The following GDPD2 variants were observed in gnomAD, a reference collection of about 807,000 sequenced individuals.
GDPD2 encodes glycerophosphodiester phosphodiesterase domain containing 2.
In GDPD2, 23 loss-of-function variants were observed where a neutral mutation model predicts 49.2. The observed-to-expected ratio is 0.47, with a 90% CI of 0.34 to 0.66. The LOEUF (loss-of-function observed/expected upper bound fraction) is 0.66. Among genes scored for constraint, GDPD2 ranks in the 30% least tolerant of loss-of-function variants. GDPD2 has a pLI of 0.01. For missense variants in GDPD2, 338 were observed against 424.7 expected, an observed-to-expected ratio of 0.80 and a Z score of 1.79; for synonymous variants, 167 against 171.4, an observed-to-expected ratio of 0.97 and a Z score of 0.20.
chrX:70,427,113 C>T, intron 8 of GDPD2, 24 bp from the exon 9 acceptor site: 2 of 1,186,832 alleles, frequency 1.7e-6, no homozygotes, highest in Non-Finnish European at 2.3e-6. Context: ...TCCCTGCTAC[C>T]TCATCACCTA....
Position 70,431,949 on chromosome X carries a change from T to C in GDPD2, c.1308-358T>C, listed in dbSNP as rs143064034. Among the ~76,000 whole-genome samples, 18 of 111,436 alleles carry C rather than the reference T, an allele frequency of 1.6e-4. No homozygotes were observed. The East Asian group carries it at 5.1e-3, about 31-fold the overall frequency. The stretch of plus-strand genomic sequence containing the variant: ...AGGAACATTGATAAATTGGAATATA[T>C]CATATTAGAGAGGCTTGTACAGGGA... On this transcript the variant is annotated intron_variant, in intron 12 of 15. Transcript: ENST00000374382.
At chrX:70,426,289 C>G (rs761186779) in intron 5 of GDPD2, 82 bp from the exon 6 acceptor site, 62 of 878,513 alleles carry the variant, frequency 7.1e-5, no homozygotes, top group Non-Finnish European at 1.0e-4. Flanking sequence ...GGGTCGGGTC[C>G]CATCTCTATA....
chrX:70,423,588 G>C (rs991037379), intron 1 of GDPD2, among the ~76,000 whole-genome samples: 3 of 112,032 alleles, frequency 2.7e-5, no homozygotes, highest in Non-Finnish European at 3.8e-5. Context: ...CTGGGGTGCA[G>C]GGGTAGGACC....
At chrX:70,423,539 A>G (rs1197590318) in intron 1 of GDPD2, among the ~76,000 whole-genome samples, 157 bp downstream of exon 1, 1 of 111,811 alleles carries the variant, frequency 8.9e-6, no homozygotes, top group Non-Finnish European at 1.9e-5. Flanking sequence ...CCCATCCTAC[A>G]GGCAGCTCCT....
In GDPD2 at chrX:70,432,606, G is replaced by A. The variant is rs35816342; in HGVS notation, c.1483G>A (p.Val495Ile). 6.2e-3 allele frequency: 7,490 copies of A among 1,202,187 alleles called. 27 individuals are homozygous for A. Among genetic ancestry groups the A allele is most frequent in the Non-Finnish European group, 7.4e-3 (6,548 of 888,765 alleles). Residue 495 changes from valine (V) to isoleucine (I), a missense_variant, in exon 14 of 16, where the codon GTC becomes ATC. Physicochemically the swap from Val to Ile is conservative, Grantham distance 29. Transcript: ENST00000374382. Reference protein sequence around the residue: ...ITPQTYLIIWVITNCVSTMLL... With the variant: ...ITPQTYLIIWIITNCVSTMLL... ...CCCTCAAACCTACCTAATCATATGG[G>A]TCATTACCAATTGTGTTTCCACCAT... is the stretch of plus-strand genomic sequence containing the variant.
chrX:70,426,440 G>A lies in GDPD2; in HGVS notation c.433G>A (p.Glu145Lys). The A allele has an allele frequency of 8.3e-7, 1 of 1,211,102 alleles. No individual in the cohort carries two copies. Among genetic ancestry groups the A allele is most frequent in the Non-Finnish European group, 1.1e-6 (1 of 894,668 alleles). ...LVGLDIQWQQ[E>K]WHSLRVSLQA... Reference sequence around the variant, plus strand: ...GGGACTGGACATCCAATGGCAGCAGGAGTGGCATAGCTTGCGTGTGTCACT... The same window carrying A: ...GGGACTGGACATCCAATGGCAGCAGAAGTGGCATAGCTTGCGTGTGTCACT... The change falls in exon 6 of 16, where the codon GAG becomes AAG. Residue 145 changes from glutamate to lysine, a missense_variant. Transcript: ENST00000374382.
intron 11 of GDPD2, 34 bp downstream of exon 11, chrX:70,429,748 C>T: frequency 9.0e-7 from 1 of 1,105,405 alleles, no homozygotes; most frequent in South Asian, 1.9e-5. Flanking sequence ...CCCCACCCTG[C>T]CTTCCCTAGG....
chrX:70,431,037 C>T (rs918310015), intron 12 of GDPD2: 6 of 799,405 alleles, frequency 7.5e-6, no homozygotes, highest in Non-Finnish European at 1.1e-5. Context: ...ATCTTCCTGC[C>T]TCGGCCTCCC....
intron 11 of GDPD2, 70 bp from the exon 12 acceptor site, chrX:70,429,845 T>C (rs2086459326): frequency 8.7e-7 from 1 of 1,149,607 alleles, no homozygotes; most frequent in African/African-American, 1.9e-5. Context: ...TCAAAACTGT[T>C]TGCCCCTGTC....
chrX:70,423,762 C>T (rs1379303897), intron 1 of GDPD2, among the ~76,000 whole-genome samples: 1 of 111,013 alleles, frequency 9.0e-6, no homozygotes, highest in Non-Finnish European at 1.9e-5. Context: ...CCCTCCTTTC[C>T]CAAGGCAGCA....
In GDPD2 at chrX:70,430,077, G is replaced by A; in HGVS notation, c.1307+14G>A. 8.4e-7 allele frequency: 1 copy of A among 1,191,415 alleles called. No individual in the cohort carries two copies. Among genetic ancestry groups the A allele is most frequent in the East Asian group, 3.0e-5 (1 of 33,720 alleles). On this transcript the variant is annotated intron_variant, in intron 12 of 15. Transcript: ENST00000374382. The stretch of plus-strand genomic sequence containing the variant: ...ATTGGATATCAAGTGAGTGCTAGAG[G>A]AAAGGAACCAAGGGGATCACATGAG...
In GDPD2 at chrX:70,429,604, C is replaced by A; in HGVS notation, c.1048C>A (p.Leu350Ile). 1 of 1,207,027 alleles carries A rather than the reference C, an allele frequency of 8.3e-7. No individual in the cohort carries two copies. The highest frequency in any genetic ancestry group is 1.8e-5 in the South Asian group (1 of 56,853). Residue 350 changes from leucine (L) to isoleucine (I), a missense_variant, in exon 11 of 16, where the codon CTT becomes ATT. Transcript: ENST00000374382. Reference protein sequence around the residue: ...ELLEEAAALNLSIMFDLRRPP... With the variant: ...ELLEEAAALNISIMFDLRRPP... ...ATTGGAGGAAGCTGCAGCCCTCAACCTTTCCATCATGTTCGACTTGCGCCG... is the reference window on the plus strand; with the variant it reads ...ATTGGAGGAAGCTGCAGCCCTCAACATTTCCATCATGTTCGACTTGCGCCG...
chrX:70,431,686 C>G (rs934264206), intron 12 of GDPD2, among the ~76,000 whole-genome samples: 2 of 112,420 alleles, frequency 1.8e-5, no homozygotes, highest in Non-Finnish European at 3.8e-5. Context: ...GAGTTCAAGA[C>G]TAGCCTGGGC....
At chrX:70,428,031 CAT>C (rs1473166320) in intron 10 of GDPD2, 1 of 111,882 alleles carries the variant, frequency 8.9e-6, no homozygotes, top group Non-Finnish European at 1.9e-5. Flanking sequence ...TAAGAAATAA[CAT>C]AGAAATCAAA....
At chrX:70,426,161 C>A in intron 5 of GDPD2, 50 bp downstream of exon 5, 1 of 1,044,996 alleles carries the variant, frequency 9.6e-7, no homozygotes, top group Non-Finnish European at 1.3e-6. Context: ...GGGCTCAGCA[C>A]TTGGCTGGCT....
Position 70,426,475 on chromosome X carries a change from T to C in GDPD2, c.462+6T>C. On this transcript the variant is annotated splice_donor_region_variant and intron_variant, in intron 6 of 15. Coordinates refer to ENST00000374382, the MANE Select transcript of GDPD2 (RefSeq NM_017711.4). ...GCTTGCGTGTGTCACTGCAGGTGAG[T>C]GGCCAACCTCCAGTGTCTAGACGGG... 1 of 1,191,396 alleles carries C rather than the reference T, an allele frequency of 8.4e-7. No individual in the cohort carries two copies. The highest frequency in any genetic ancestry group is 1.1e-6 in the Non-Finnish European group (1 of 877,152).
intron 12 of GDPD2, 35 bp downstream of exon 12, chrX:70,430,098 A>T: frequency 8.9e-7 from 1 of 1,123,530 alleles, no homozygotes; most frequent in Non-Finnish European, 1.2e-6. Context: ...AGGGGATCAC[A>T]TGAGGCTTAA....
chrX:70,428,989 A>T (rs148667007), intron 10 of GDPD2, among the ~76,000 whole-genome samples: 4 of 112,172 alleles, frequency 3.6e-5, no homozygotes, highest in African/African-American at 1.3e-4. Context: ...GCGAAAAATA[A>T]GGACTGCAGT....
chrX:70,424,858 G>A (rs2086405937), intron 1 of GDPD2, 118 bp from the exon 2 acceptor site: 4 of 472,149 alleles, frequency 8.5e-6, no homozygotes, highest in East Asian at 3.8e-5. Context: ...CGTGACCTCC[G>A]TTGCTGAGCA....
Sources: allele counts gnomAD v4.1 joint callset (sites outside exome capture counted in the v4.1 genomes callset), GRCh38; gene constraint gnomAD v4.1.1; transcripts MANE v1.5; gene names NCBI Gene and HGNC (gene_info 2026-07-23, HGNC 2026-07-21).